STAB2: variants seen among roughly 807,000 people sequenced by gnomAD.
The protein encoded by STAB2 is stabilin 2.
STAB2 carries 288 observed loss-of-function variants against 338.1 expected under a neutral mutation model. The observed-to-expected ratio is 0.85, with a 90% CI of 0.77 to 0.94. The LOEUF is 0.94. Among genes scored for constraint, STAB2 ranks in the 40% least tolerant of loss-of-function variants. The pLI is 0.00. For missense variants in STAB2, 3,141 were observed against 3,210.1 expected, an observed-to-expected ratio of 0.98 and a Z score of 0.52; for synonymous variants, 1,202 against 1,193.3, an observed-to-expected ratio of 1.01 and a Z score of -0.15.
rs572668368 is a variant in STAB2, at chr12:103,598,229, C to T, written c.331+3719C>T. On this transcript the variant is annotated intron_variant, in intron 3 of 68. Transcript: ENST00000388887. ...TTTCTGCCTAGCACTGTTCACCAAG[C>T]TTTTAAACAAAGGTGGTGACATGGA... Among the ~76,000 whole-genome samples, 5 of 152,284 alleles carry T rather than the reference C, an allele frequency of 3.3e-5. No individual in the cohort carries two copies. In the South Asian group the frequency reaches 1.0e-3, roughly 32 times the overall value.
intron 18 of STAB2, 101 bp from the exon 19 acceptor site, chr12:103,666,190 G>T: frequency 1.7e-6 from 2 of 1,179,126 alleles, no homozygotes; most frequent in South Asian, 1.3e-5. Context: ...GCTCAGTGGG[G>T]TTTCCTTCAC....
intron 3 of STAB2, among the ~76,000 whole-genome samples, chr12:103,600,837 C>G (rs918669327): frequency 6.6e-6 from 1 of 152,250 alleles, no homozygotes; most frequent in Non-Finnish European, 1.5e-5. Context: ...AGGCAGACAC[C>G]TGAAGAACTG....
chr12:103,705,938 A>C (rs1879311554), intron 37 of STAB2, among the ~76,000 whole-genome samples: 1 of 152,344 alleles, frequency 6.6e-6, no homozygotes, highest in Non-Finnish European at 1.5e-5. Flanking sequence ...GCTGCAATTC[A>C]ATTCAGTTTC....
chr12:103,645,845 C>G (rs1380117084), intron 9 of STAB2, among the ~76,000 whole-genome samples: 1 of 148,476 alleles, frequency 6.7e-6, no homozygotes, highest in Non-Finnish European at 1.5e-5. Context: ...TTGTAGCAAC[C>G]AAGGATGTCT....
chr12:103,725,603 CGTGTGTGT>C (rs202034193), intron 45 of STAB2, among the ~76,000 whole-genome samples: 1 of 150,252 alleles, frequency 6.7e-6, no homozygotes, highest in Non-Finnish European at 1.5e-5. Context: ...CATGTGTGTA[CGTGTGTGT>C]GCTTGTGTGT....
intron 65 of STAB2, 116 bp from the exon 66 acceptor site, chr12:103,761,184 T>C: frequency 4.5e-6 from 4 of 881,604 alleles, no homozygotes; most frequent in Non-Finnish European, 5.4e-6. Flanking sequence ...TGCCTATCAG[T>C]GGAGACAAAC....
At chr12:103,687,062 G>A (rs1165642170) in intron 27 of STAB2, among the ~76,000 whole-genome samples, 1 of 152,122 alleles carries the variant, frequency 6.6e-6, no homozygotes, top group Non-Finnish European at 1.5e-5. Flanking sequence ...ATGGAATTGA[G>A]TCAGCACTGA....
Position 103,706,880 on chromosome 12 carries a change from G to A in STAB2, c.4085G>A (p.Cys1362Tyr). Residue 1362 changes from cysteine (C) to tyrosine (Y), a missense_variant, in exon 38 of 69, where the codon TGT becomes TAT. Coordinates refer to ENST00000388887, the MANE Select transcript of STAB2 (RefSeq NM_017564.10). ...AATGTCTGCTTTGGTAATGGCATCT[G>A]TTTGGATGGAGTGAATGGCACAGGT... ...AQNVCFGNGI[C>Y]LDGVNGTGVC... 1 of 1,614,262 alleles carries A rather than the reference G, an allele frequency of 6.2e-7. No homozygotes were observed.
intron 6 of STAB2, among the ~76,000 whole-genome samples, chr12:103,635,653 C>T (rs756844364): frequency 1.4e-4 from 22 of 152,230 alleles, no homozygotes; most frequent in Non-Finnish European, 2.8e-4. Context: ...AGCTGGTCAT[C>T]TGGAGAGCTG....
intron 64 of STAB2, 93 bp from the exon 65 acceptor site, chr12:103,759,040 T>G: frequency 6.2e-7 from 1 of 1,603,406 alleles, no homozygotes; most frequent in South Asian, 1.1e-5. Context: ...GCCTAGGCCA[T>G]GAGAAGCAAT....
At chr12:103,733,533 C>G (rs1881814051) in intron 51 of STAB2, among the ~76,000 whole-genome samples, 1 of 152,188 alleles carries the variant, frequency 6.6e-6, no homozygotes, top group African/African-American at 2.4e-5. Context: ...CAGATGGACT[C>G]TTTCTCATCC....
chr12:103,599,392 G>A (rs771764016), intron 3 of STAB2, among the ~76,000 whole-genome samples: 18 of 152,096 alleles, frequency 1.2e-4, no homozygotes, highest in Admixed American at 5.2e-4. Context: ...GCTCTGCCTG[G>A]GGTTGGTTCC....
At position 103,655,506 on chromosome 12, in the gene STAB2, C is replaced by A; in HGVS notation, c.1659C>A (p.Tyr553Ter). ...ATGAGGATGGAGTTGGTGGACCATA[C>A]ACCATTTTTGTTCCAAATAATGAAG... ...ALDEDGVGGPYTIFVPNNEAL... is the reference protein window; with the variant it reads ...ALDEDGVGGP Residue 553 changes from tyrosine to a stop codon, truncating the protein, a stop_gained, in exon 15 of 69, where the codon TAC becomes TAA. Coordinates refer to ENST00000388887, the MANE Select transcript of STAB2 (RefSeq NM_017564.10). LOFTEE classifies it high-confidence loss of function. The A allele has an allele frequency of 6.2e-7, 1 of 1,614,036 alleles. No homozygotes were observed. The highest frequency in any genetic ancestry group is 8.5e-7 in the Non-Finnish European group (1 of 1,180,012).
Position 103,715,858 on chromosome 12 carries a change from T to A in STAB2, c.4581T>A (p.Asn1527Lys). The A allele has an allele frequency of 1.2e-6, 2 of 1,614,128 alleles. No homozygotes were observed. Among genetic ancestry groups the A allele is most frequent in the South Asian group, 2.2e-5 (2 of 91,080 alleles). Residue 1527 changes from asparagine to lysine, a missense_variant, in exon 43 of 69, where the codon AAT becomes AAA. Coordinates refer to ENST00000388887, the MANE Select transcript of STAB2 (RefSeq NM_017564.10). ...AGAACCATGGTGGCTGTGACAAGAA[T>A]GCGGAGTGCACACAGACAGGACCCA... ...CLENHGGCDK[N>K]AECTQTGPNQ...
intron 39 of STAB2, 152 bp from the exon 40 acceptor site, chr12:103,711,319 A>T: frequency 1.0e-6 from 1 of 969,476 alleles, no homozygotes; most frequent in South Asian, 1.7e-5. Flanking sequence ...GGCAGCCAGT[A>T]TAAAAAAGGA....
At chr12:103,666,599 TAAC>T (rs1195550310) in intron 19 of STAB2, among the ~76,000 whole-genome samples, 1 of 152,202 alleles carries the variant, frequency 6.6e-6, no homozygotes, top group Non-Finnish European at 1.5e-5. Flanking sequence ...TAAATGATAA[TAAC>T]AAAAAGATTC....
intron 30 of STAB2, among the ~76,000 whole-genome samples, chr12:103,691,814 A>G (rs1877961111): frequency 6.6e-6 from 1 of 151,208 alleles, no homozygotes; most frequent in South Asian, 2.1e-4. Context: ...GCTCAGAGTG[A>G]GACAAGACCA....
At chr12:103,678,359 T>C (rs2138850099) in intron 25 of STAB2, among the ~76,000 whole-genome samples, 1 of 152,330 alleles carries the variant, frequency 6.6e-6, no homozygotes, top group Non-Finnish European at 1.5e-5. Context: ...CTCACCATGA[T>C]ATCTCCCACT....
chr12:103,662,979 C>G lies in STAB2; in HGVS notation c.2003C>G (p.Thr668Arg). 6.2e-7 allele frequency: 1 copy of G among 1,613,980 alleles called. No individual in the cohort carries two copies. Among genetic ancestry groups the G allele is most frequent in the Non-Finnish European group, 8.5e-7 (1 of 1,179,974 alleles). ...VPILPHRCDE[T>R]KREMKLGTCV... ...ATTCTGCCCCATCGATGTGATGAAA[C>G]AAAGAGAGAGATGAAACTGGTAAGA... The change falls in exon 18 of 69, where the codon ACA (threonine) becomes AGA (arginine). Residue 668 changes from threonine to arginine, a missense_variant. Physicochemically the swap from Thr to Arg is moderately conservative, Grantham distance 71. Transcript: ENST00000388887.
Sources: allele counts gnomAD v4.1 joint callset (sites outside exome capture counted in the v4.1 genomes callset), GRCh38; gene constraint gnomAD v4.1.1; transcripts MANE v1.5; gene names NCBI Gene and HGNC (gene_info 2026-07-23, HGNC 2026-07-21).